Variants in PCDHGB2 observed in about 807,000 individuals in gnomAD.
PCDHGB2 encodes protocadherin gamma subfamily B, 2.
Under a neutral mutation model 59.3 loss-of-function variants are expected in PCDHGB2, and 55 were observed. The observed-to-expected ratio is 0.93, with a 90% confidence interval of 0.75 to 1.16. PCDHGB2 has a LOEUF of 1.16. Ranked by LOEUF, PCDHGB2 falls within the 50% of genes most tolerant of loss-of-function variation. The pLI is 0.00. For synonymous variants in PCDHGB2, 516 were observed against 512.0 expected (o/e 1.01, Z -0.11); for missense variants, 1,228 against 1,198.5 (o/e 1.02, Z -0.36).
In PCDHGB2 at chr5:141,393,378, G is replaced by A. The variant is rs1207426335; in HGVS notation, c.2421+30822G>A. On this transcript the variant is annotated intron_variant, in intron 1 of 3. Coordinates refer to ENST00000522605, the MANE Select transcript of PCDHGB2 (RefSeq NM_018923.3). ...GGACGTGCAGACTGGAGACAATGGA[G>A]CCATAAACCCAGAGCTGGTGCTGGA... The A allele has an allele frequency of 1.9e-6, 3 of 1,613,982 alleles. No individual in the cohort carries two copies. The highest frequency in any genetic ancestry group is 2.2e-5 in the East Asian group (1 of 44,866).
Position 141,491,436 on chromosome 5 carries a change from G to A in PCDHGB2, c.2422-3371G>A, listed in dbSNP as rs771884610. ...ACGGGGGTGGAGGGCAGTGCTGCAG[G>A]CGCCAGGACTCACCCTCCCCGGACT... On this transcript the variant is annotated intron_variant, in intron 1 of 3. Coordinates refer to ENST00000522605, the MANE Select transcript of PCDHGB2 (RefSeq NM_018923.3). This position sits in a 1 kb window ranked among gnomAD's most constrained non-coding sequence, Gnocchi z 6.9. 1 of 1,614,070 alleles carries A rather than the reference G, an allele frequency of 6.2e-7. No individual in the cohort carries two copies. The highest frequency in any genetic ancestry group is 8.5e-7 in the Non-Finnish European group (1 of 1,180,034).
chr5:141,389,330 C>T, intron 1 of PCDHGB2: 1 of 1,614,000 alleles, frequency 6.2e-7, no homozygotes. Context: ...TGGGGCCCAA[C>T]GGCCAAGTCT....
chr5:141,375,963 G>C (rs371650654), intron 1 of PCDHGB2: 4 of 1,613,262 alleles, frequency 2.5e-6, no homozygotes, highest in Non-Finnish European at 2.5e-6. Flanking sequence ...GGCGAGGTGC[G>C]CACGGCGCGC....
At chr5:141,460,650 T>C (rs1264813071) in intron 1 of PCDHGB2, among the ~76,000 whole-genome samples, 2 of 152,094 alleles carry the variant, frequency 1.3e-5, no homozygotes, top group East Asian at 3.9e-4. Flanking sequence ...TGTTTACACA[T>C]ATGTAACTGT....
At chr5:141,404,396 A>C (rs2094523935) in intron 1 of PCDHGB2, 2 of 1,613,816 alleles carry the variant, frequency 1.2e-6, no homozygotes, top group Non-Finnish European at 1.7e-6. Context: ...CCCTGATAGC[A>C]ATGAGAATTC....
At chr5:141,450,006 C>CTATTTTTTTTTTTT (rs70988802) in intron 1 of PCDHGB2, among the ~76,000 whole-genome samples, 1 of 132,966 alleles carries the variant, frequency 7.5e-6, no homozygotes, top group Non-Finnish European at 1.6e-5. Flanking sequence ...TGCCATGTCT[C>CTATTTTTTTTTTTT]TTTTTTTTTT....
rs1218261413 is a variant in PCDHGB2 at position 141,370,605 on chromosome 5, G to A, written c.2421+8049G>A. 2.5e-6 allele frequency: 4 copies of A among 1,613,858 alleles called. No individual in the cohort carries two copies. The African/African-American group carries it at 4.0e-5, about 16-fold the overall frequency. On this transcript the variant is annotated intron_variant, in intron 1 of 3. Coordinates refer to ENST00000522605, the MANE Select transcript of PCDHGB2 (RefSeq NM_018923.3). ...TACTAGGAACCTGCGGGTTATTGCA[G>A]AGAAGAAATTCTTTACCGTGAGCCC...
chr5:141,450,815 ATAT>A (rs1420984335), intron 1 of PCDHGB2, among the ~76,000 whole-genome samples: 6 of 126,742 alleles, frequency 4.7e-5, no homozygotes, highest in South Asian at 2.4e-4. Flanking sequence ...TATTTATTTA[ATAT>A]TATTATTATT....
chr5:141,498,865 G>A (rs2099786522), intron 2 of PCDHGB2, among the ~76,000 whole-genome samples: 1 of 151,116 alleles, frequency 6.6e-6, no homozygotes, highest in Non-Finnish European at 1.5e-5. Flanking sequence ...CCCAGGAGGC[G>A]GAGGTTGCAG....
chr5:141,405,391 T>A, intron 1 of PCDHGB2: 1 of 1,595,892 alleles, frequency 6.3e-7, no homozygotes, highest in Non-Finnish European at 8.5e-7. Flanking sequence ...GTTCATTTTT[T>A]TTCTTTCTTT....
At chr5:141,370,305 G>T in intron 1 of PCDHGB2, 2 of 1,206,280 alleles carry the variant, frequency 1.7e-6, no homozygotes, top group Non-Finnish European at 2.3e-6. Context: ...CAAAGACAAA[G>T]CAAATAGTTG....
At chr5:141,383,575 G>T in intron 1 of PCDHGB2, 1 of 1,613,234 alleles carries the variant, frequency 6.2e-7, no homozygotes, top group African/African-American at 1.3e-5. Flanking sequence ...ATCCAGCACC[G>T]CCCACATCCA....
intron 1 of PCDHGB2, chr5:141,372,314 G>A (rs369724462): frequency 7.7e-5 from 125 of 1,613,460 alleles, no homozygotes; most frequent in Non-Finnish European, 1.0e-4. Context: ...CCGCCCGCCA[G>A]CGCCTGCTGG....
At chr5:141,469,424 AC>A (rs1173507321) in intron 1 of PCDHGB2, among the ~76,000 whole-genome samples, 1 of 151,864 alleles carries the variant, frequency 6.6e-6, no homozygotes, top group East Asian at 1.9e-4. Context: ...AAAATATAAA[AC>A]TTAGCTGGGC....
At position 141,432,660 on chromosome 5, in the gene PCDHGB2, A is replaced by G; in HGVS notation, c.2422-62147A>G. The G allele has an allele frequency of 6.2e-7, 1 of 1,613,768 alleles. No individual in the cohort carries two copies. Among genetic ancestry groups the G allele is most frequent in the African/African-American group, 1.3e-5 (1 of 75,026 alleles). ...GTGCGCACGGCGCGAGCCCTGCTGG[A>G]CAGAGACGCGCTCAAGCAGAGCCTC... On this transcript the variant is annotated intron_variant, in intron 1 of 3. Coordinates refer to ENST00000522605, the MANE Select transcript of PCDHGB2 (RefSeq NM_018923.3). The surrounding 1 kb of genome is among the most constrained non-coding windows in gnomAD (Gnocchi z 6.0).
rs972403699 is a variant in PCDHGB2, at chr5:141,360,870, C to A, written c.735C>A (p.Asp245Glu). The change falls in exon 1 of 4, where the codon GAC (aspartate) becomes GAA (glutamate). Residue 245 changes from aspartate to glutamate, a missense_variant. Physicochemically the swap from Asp to Glu is conservative, Grantham distance 45. Coordinates refer to ENST00000522605, the MANE Select transcript of PCDHGB2 (RefSeq NM_018923.3). ...ANDNPPVFSQ[D>E]VYRVTLREDV... The stretch of plus-strand genomic sequence containing the variant: ...ATAACCCTCCAGTGTTCAGCCAGGA[C>A]GTGTACAGGGTCACCCTGAGGGAGG... 1.5e-5 allele frequency: 24 copies of A among 1,613,872 alleles called. No individual in the cohort carries two copies. Among genetic ancestry groups the A allele is most frequent in the African/African-American group, 2.7e-5 (2 of 74,898 alleles).
At chr5:141,363,413 A>G (rs1762914812) in intron 1 of PCDHGB2, among the ~76,000 whole-genome samples, 1 of 152,194 alleles carries the variant, frequency 6.6e-6, no homozygotes, top group Admixed American at 6.5e-5. Context: ...GATAGCAGTA[A>G]ATATCTGTCT....
rs2099606506 is a variant in PCDHGB2 at position 141,485,072 on chromosome 5, G to A, written c.2422-9735G>A. ...CCGGCCGAACCGCGCCAGAGCTGGC[G>A]CGGGGAAAGGGAGATAGGTGTCTCC... On this transcript the variant is annotated intron_variant, in intron 1 of 3. Transcript: ENST00000522605. This position sits in a 1 kb window ranked among gnomAD's most constrained non-coding sequence, Gnocchi z 5.7. 2 of 916,892 alleles carry A rather than the reference G, an allele frequency of 2.2e-6. No homozygotes were observed. The highest frequency in any genetic ancestry group is 3.4e-6 in the Non-Finnish European group (2 of 587,886). The allele number at this position is 916,892 out of a possible 1,614,324, so 56.8% of individuals were successfully genotyped here.
intron 1 of PCDHGB2, chr5:141,430,789 C>A (rs2097310124): frequency 6.6e-7 from 1 of 1,515,808 alleles, no homozygotes; most frequent in Non-Finnish European, 8.8e-7. Context: ...ACCGGGACTA[C>A]AAAGGGCTTG....
Sources: allele counts gnomAD v4.1 joint callset (sites outside exome capture counted in the v4.1 genomes callset), GRCh38; gene constraint gnomAD v4.1.1; non-coding constraint Gnocchi (gnomAD v3.1); transcripts MANE v1.5; gene names NCBI Gene and HGNC (gene_info 2026-07-23, HGNC 2026-07-21).